The following TRPC1 variants were observed in gnomAD, a reference collection of about 807,000 sequenced individuals.
TRPC1 encodes transient receptor potential cation channel subfamily C member 1.
Under a neutral mutation model 88.2 loss-of-function variants are expected in TRPC1, and 42 were observed. That is an observed-to-expected ratio of 0.48 (90% confidence interval 0.37 to 0.62). TRPC1 has a LOEUF of 0.62. TRPC1 is among the 20% of genes least tolerant of loss of function. The pLI is 0.00. For synonymous variants in TRPC1, 288 were observed against 331.8 expected (o/e 0.87, Z 1.43); for missense variants, 699 against 957.3 (o/e 0.73, Z 3.56).
intron 12 of TRPC1, 82 bp from the exon 13 acceptor site, chr3:142,805,926 G>A (rs1324594970): frequency 9.0e-6 from 11 of 1,217,312 alleles, no homozygotes; most frequent in Non-Finnish European, 1.1e-5. Context: ...AGATGTGTTT[G>A]TGTCTGTGAA....
intron 4 of TRPC1, among the ~76,000 whole-genome samples, chr3:142,777,105 A>C (rs550549470): frequency 1.3e-5 from 2 of 152,198 alleles, no homozygotes; most frequent in African/African-American, 4.8e-5. Flanking sequence ...TGAGGCCAGG[A>C]GCTTAAGACT....
In TRPC1 at chr3:142,736,541, G is replaced by A. The variant is rs372391848; in HGVS notation, c.327+8G>A. 8.8e-6 allele frequency: 14 copies of A among 1,586,382 alleles called. No individual in the cohort carries two copies. The highest frequency in any genetic ancestry group is 1.2e-5 in the Non-Finnish European group (14 of 1,169,770). On this transcript the variant is annotated splice_region_variant and intron_variant, in intron 2 of 12. Transcript: ENST00000476941. Reference sequence around the variant, plus strand: ...TTGGACTACGGTTGTCAGGTACAAGGCTAGATAATTTAATCCAGTTAACTT... The same window carrying A: ...TTGGACTACGGTTGTCAGGTACAAGACTAGATAATTTAATCCAGTTAACTT...
In TRPC1 at chr3:142,807,783, G is replaced by C. The variant is rs1936837996; in HGVS notation, c.*1548G>C. 6.6e-6 allele frequency: 1 copy of C among 152,008 alleles called. No homozygotes were observed. Among genetic ancestry groups the C allele is most frequent in the Non-Finnish European group, 1.5e-5 (1 of 68,006 alleles). 9.4% of individuals were successfully genotyped at this position (152,008 alleles called of 1,614,324 possible). ...ACACCTAATTATTAAAACATTTATA[G>C]AGTGCCTACTGTATGCATGAGTTGA... On this transcript the variant is annotated 3_prime_UTR_variant, in exon 13 of 13. Transcript: ENST00000476941.
At chr3:142,727,778 C>T (rs1933743122) in intron 1 of TRPC1, among the ~76,000 whole-genome samples, 1 of 152,094 alleles carries the variant, frequency 6.6e-6, no homozygotes, top group Non-Finnish European at 1.5e-5. Flanking sequence ...CAAGAGCTGA[C>T]TATAAATATG....
rs1219807911 is a variant in TRPC1, at chr3:142,736,401, G to T, written c.195G>T (p.Lys65Asn). Residue 65 changes from lysine to asparagine, a missense_variant, in exon 2 of 13, where the codon AAG becomes AAT. This residue lies in a region of TRPC1 where 157 missense variants were observed against 127.0 expected (regional missense o/e 1.24). Transcript: ENST00000476941. ...TAGGTGACTATTATATGGTTAAAAAGATTTTGGAGGAAAACAGTTCAGGTG... is the reference window on the plus strand; with the variant it reads ...TAGGTGACTATTATATGGTTAAAAATATTTTGGAGGAAAACAGTTCAGGTG... ...CDKGDYYMVK[K>N]ILEENSSGDL... The T allele has an allele frequency of 6.2e-7, 1 of 1,608,282 alleles. No homozygotes were observed. Among genetic ancestry groups the T allele is most frequent in the African/African-American group, 1.3e-5 (1 of 74,676 alleles).
At chr3:142,764,305 T>C (rs1287971740) in intron 4 of TRPC1, among the ~76,000 whole-genome samples, 2 of 152,082 alleles carry the variant, frequency 1.3e-5, no homozygotes, top group Non-Finnish European at 2.9e-5. Context: ...ACAGATACAG[T>C]AATAGATTAT....
intron 3 of TRPC1, 59 bp downstream of exon 3, chr3:142,743,645 C>T: frequency 9.3e-7 from 1 of 1,074,308 alleles, no homozygotes; most frequent in Non-Finnish European, 1.2e-6. Context: ...ATCTCTTGCC[C>T]CATTGCCATT....
intron 4 of TRPC1, among the ~76,000 whole-genome samples, chr3:142,758,776 G>A (rs954992444): frequency 4.0e-5 from 6 of 151,324 alleles, no homozygotes; most frequent in Non-Finnish European, 5.9e-5. Flanking sequence ...GTGCTGCACC[G>A]GTTAACTTGT....
At chr3:142,768,806 T>C (rs1277689365) in intron 4 of TRPC1, among the ~76,000 whole-genome samples, 1 of 152,130 alleles carries the variant, frequency 6.6e-6, no homozygotes, top group Non-Finnish European at 1.5e-5. Context: ...CAAGTTGATA[T>C]CGACTTAAAA....
At chr3:142,785,306 G>T in intron 7 of TRPC1, 1 of 260,794 alleles carries the variant, frequency 3.8e-6, no homozygotes, top group Non-Finnish European at 7.2e-6. Context: ...CAGACTCTAT[G>T]GTTATTCATG....
At chr3:142,734,787 TAAAAAA>T (rs138090969) in intron 1 of TRPC1, among the ~76,000 whole-genome samples, 1 of 145,436 alleles carries the variant, frequency 6.9e-6, no homozygotes, top group African/African-American at 2.5e-5. Context: ...AAAATAAAAA[TAAAAAA>T]AAAAATTGAA....
At chr3:142,759,331 G>C (rs1935097216) in intron 4 of TRPC1, among the ~76,000 whole-genome samples, 1 of 152,132 alleles carries the variant, frequency 6.6e-6, no homozygotes, top group Admixed American at 6.5e-5. Flanking sequence ...ATCCTCTCCA[G>C]CATCTGTTGT....
rs539219403 is a variant in TRPC1 at position 142,802,275 on chromosome 3, A to T, written c.1688A>T (p.Tyr563Phe). 8.7e-6 allele frequency: 14 copies of T among 1,600,262 alleles called. No individual in the cohort carries two copies. The South Asian group carries it at 1.5e-4, about 17-fold the overall frequency. Residue 563 changes from tyrosine to phenylalanine, a missense_variant, in exon 10 of 13, where the codon TAT becomes TTT. By Grantham distance (22) the Tyr-to-Phe change is conservative. Transcript: ENST00000476941. Reference sequence around the variant, plus strand: ...CTGACACAACTGTATGATAAAGGATATACTTCAAAGGAGCAGAAGGACTGT... The same window carrying T: ...CTGACACAACTGTATGATAAAGGATTTACTTCAAAGGAGCAGAAGGACTGT... ...IGLTQLYDKG[Y>F]TSKEQKDCVG...
At chr3:142,772,020 T>C (rs1935594408) in intron 4 of TRPC1, among the ~76,000 whole-genome samples, 1 of 152,206 alleles carries the variant, frequency 6.6e-6, no homozygotes, top group Non-Finnish European at 1.5e-5. Context: ...CTGTTTCTAC[T>C]GAGAAGTCAG....
chr3:142,778,715 C>CA (rs1223539880), intron 5 of TRPC1, among the ~76,000 whole-genome samples: 1 of 152,056 alleles, frequency 6.6e-6, no homozygotes, highest in East Asian at 1.9e-4. Flanking sequence ...AGTGACTTGA[C>CA]AAAATTGGGA....
intron 7 of TRPC1, among the ~76,000 whole-genome samples, chr3:142,789,550 G>A (rs192173554): frequency 1.8e-3 from 274 of 152,192 alleles, no homozygotes; most frequent in African/African-American, 5.7e-3. Context: ...TGTTTCCCAG[G>A]GGAATTATTT....
At chr3:142,733,373 G>A (rs1040608255) in intron 1 of TRPC1, among the ~76,000 whole-genome samples, 3 of 152,068 alleles carry the variant, frequency 2.0e-5, no homozygotes, top group Admixed American at 6.5e-5. Flanking sequence ...TTAGCCGGGC[G>A]TGGTGGCAGC....
chr3:142,762,663 A>C (rs1935228172), intron 4 of TRPC1, among the ~76,000 whole-genome samples: 1 of 151,444 alleles, frequency 6.6e-6, no homozygotes, highest in South Asian at 2.1e-4. Context: ...TCCTGACCTC[A>C]AGTGATCCTC....
chr3:142,770,725 T>C (rs936461273), intron 4 of TRPC1, among the ~76,000 whole-genome samples: 16 of 152,218 alleles, frequency 1.1e-4, no homozygotes, highest in Non-Finnish European at 2.2e-4. Flanking sequence ...CTGTGTCTGC[T>C]TTTTGTTTCT....
Sources: allele counts gnomAD v4.1 joint callset (sites outside exome capture counted in the v4.1 genomes callset), GRCh38; gene constraint gnomAD v4.1.1; regional missense constraint gnomAD v4.1.1; transcripts MANE v1.5; gene names NCBI Gene and HGNC (gene_info 2026-07-23, HGNC 2026-07-21).